SLC9A8: variants seen among roughly 807,000 people sequenced by gnomAD.
SLC9A8 encodes the protein solute carrier family 9 member A8.
A neutral mutation model predicts 66.6 loss-of-function variants in SLC9A8; 48 were observed. That is an observed-to-expected ratio of 0.72 (90% confidence interval 0.57 to 0.92). SLC9A8 has a LOEUF of 0.92. Ranked by LOEUF, SLC9A8 falls within the 40% of genes least tolerant of loss-of-function variation. The probability of loss-of-function intolerance (pLI) is 0.00; values close to 1 mark genes in which losing one functional copy is unlikely to be tolerated. For missense variants in SLC9A8, 599 were observed against 747.3 expected, an observed-to-expected ratio of 0.80 and a Z score of 2.31; for synonymous variants, 274 against 282.6, an observed-to-expected ratio of 0.97 and a Z score of 0.31.
chr20:49,817,141 C>G (rs1264232870), intron 2 of SLC9A8, among the ~76,000 whole-genome samples: 1 of 151,864 alleles, frequency 6.6e-6, no homozygotes, highest in African/African-American at 2.4e-5. Flanking sequence ...CACGATGACT[C>G]CATCTCTACT....
intron 2 of SLC9A8, among the ~76,000 whole-genome samples, chr20:49,821,071 T>G (rs2086722792): frequency 6.6e-6 from 1 of 152,210 alleles, no homozygotes. Context: ...TTTTCTCCCC[T>G]TCTATGGATT....
At chr20:49,827,568 C>T (rs2086961875) in intron 3 of SLC9A8, among the ~76,000 whole-genome samples, 1 of 146,140 alleles carries the variant, frequency 6.8e-6, no homozygotes, top group African/African-American at 2.5e-5. Context: ...CGTGCCACTG[C>T]ATTCCAGCCT....
chr20:49,839,123 CT>C (rs1400000581), intron 3 of SLC9A8, among the ~76,000 whole-genome samples: 1 of 152,124 alleles, frequency 6.6e-6, no homozygotes, highest in Non-Finnish European at 1.5e-5. Flanking sequence ...CAACATGGAA[CT>C]GCTATTTGAG....
At chr20:49,860,428 A>G (rs1395152072) in intron 8 of SLC9A8, among the ~76,000 whole-genome samples, 1 of 151,982 alleles carries the variant, frequency 6.6e-6, no homozygotes, top group Non-Finnish European at 1.5e-5. Context: ...AATGATACCA[A>G]TCCTGGGGCC....
chr20:49,851,746 T>C (rs1462995735), intron 7 of SLC9A8, among the ~76,000 whole-genome samples: 2 of 152,224 alleles, frequency 1.3e-5, no homozygotes, highest in Non-Finnish European at 2.9e-5. Context: ...GGAGCTTTTG[T>C]TGTAAGACAG....
chr20:49,819,103 G>A (rs763837084), intron 2 of SLC9A8, among the ~76,000 whole-genome samples: 16 of 152,042 alleles, frequency 1.1e-4, no homozygotes, highest in African/African-American at 2.4e-4. Flanking sequence ...GCATTTAACC[G>A]TTGTTGATCT....
At chr20:49,885,359 T>A (rs2089852411) in intron 14 of SLC9A8, among the ~76,000 whole-genome samples, 1 of 152,182 alleles carries the variant, frequency 6.6e-6, no homozygotes, top group Non-Finnish European at 1.5e-5. Context: ...AGGGTCTCAC[T>A]CTATTGCACA....
intron 4 of SLC9A8, among the ~76,000 whole-genome samples, chr20:49,840,718 A>G (rs967604770): frequency 6.6e-6 from 1 of 152,184 alleles, no homozygotes; most frequent in African/African-American, 2.4e-5. Flanking sequence ...TTAACCACCC[A>G]AGAGTGGGTC....
At chr20:49,831,510 T>G (rs1049147759) in intron 3 of SLC9A8, among the ~76,000 whole-genome samples, 4 of 152,136 alleles carry the variant, frequency 2.6e-5, no homozygotes, top group African/African-American at 9.7e-5. Flanking sequence ...CAAGCTTGTC[T>G]TATCTCAAAC....
chr20:49,829,253 C>A (rs2087062665), intron 3 of SLC9A8: 1 of 152,676 alleles, frequency 6.5e-6, no homozygotes, highest in Admixed American at 6.6e-5. Context: ...GGCGCGGTGG[C>A]TCACGCCTGT....
intron 3 of SLC9A8, chr20:49,830,723 C>T (rs368650585): frequency 2.7e-5 from 19 of 705,792 alleles, no homozygotes; most frequent in African/African-American, 1.3e-4. Context: ...AAGTTGGCAA[C>T]GCAGCCAAGA....
intron 8 of SLC9A8, among the ~76,000 whole-genome samples, chr20:49,857,453 C>T (rs992609611): frequency 6.6e-6 from 1 of 152,208 alleles, no homozygotes; most frequent in African/African-American, 2.4e-5. Context: ...CGCGGTGGCT[C>T]ACGCCTGTAA....
At chr20:49,840,006 T>G in intron 4 of SLC9A8, among the ~76,000 whole-genome samples, 1 of 152,272 alleles carries the variant, frequency 6.6e-6, no homozygotes. Flanking sequence ...ATATTGTAGC[T>G]CATGTTATTC....
chr20:49,835,088 A>T (rs576073483), intron 3 of SLC9A8, among the ~76,000 whole-genome samples: 1 of 152,318 alleles, frequency 6.6e-6, no homozygotes, highest in South Asian at 2.1e-4. Context: ...CGGTACAACC[A>T]CTTTGGAGGA....
At chr20:49,877,590 T>C (rs1238586453) in intron 11 of SLC9A8, among the ~76,000 whole-genome samples, 1 of 152,160 alleles carries the variant, frequency 6.6e-6, no homozygotes, top group Non-Finnish European at 1.5e-5. Context: ...CCCCTTCACA[T>C]TTGTCATGTG....
chr20:49,820,736 G>T (rs2086707670), intron 2 of SLC9A8, among the ~76,000 whole-genome samples: 1 of 151,846 alleles, frequency 6.6e-6, no homozygotes, highest in Non-Finnish European at 1.5e-5. Context: ...AGTAGAGACG[G>T]CGTTTCACCA....
At chr20:49,816,297 G>C (rs992986655) in intron 2 of SLC9A8, among the ~76,000 whole-genome samples, 1 of 151,964 alleles carries the variant, frequency 6.6e-6, no homozygotes, top group Non-Finnish European at 1.5e-5. Context: ...GTATGTGCCT[G>C]TAATCCCCGC....
intron 10 of SLC9A8, among the ~76,000 whole-genome samples, chr20:49,866,282 CCA>C (rs1305844167): frequency 6.6e-6 from 1 of 152,172 alleles, no homozygotes; most frequent in Admixed American, 6.5e-5. Context: ...TCTTATTGCA[CCA>C]CAGTTTGTCT....
Position 49,886,086 on chromosome 20 carries a change from C to T in SLC9A8, c.1492-666C>T, listed in dbSNP as rs995491000. On this transcript the variant is annotated intron_variant, in intron 14 of 15. Coordinates refer to ENST00000361573, the MANE Select transcript of SLC9A8 (RefSeq NM_015266.3). The surrounding 1 kb of genome is among the most constrained non-coding windows in gnomAD (Gnocchi z 4.8). Reference sequence around the variant, plus strand: ...CCCTCCCCTCCCCGGCCATCCTCTGCCCTCCCTGCACCTGCCCCGTCCCCC... The same window carrying T: ...CCCTCCCCTCCCCGGCCATCCTCTGTCCTCCCTGCACCTGCCCCGTCCCCC... 6.6e-6 allele frequency among the ~76,000 whole-genome samples: 1 copy of T among 151,496 alleles called. No individual in the cohort carries two copies. The highest frequency in any genetic ancestry group is 1.5e-5 in the Non-Finnish European group (1 of 67,912).
Sources: allele counts gnomAD v4.1 joint callset (sites outside exome capture counted in the v4.1 genomes callset), GRCh38; gene constraint gnomAD v4.1.1; non-coding constraint Gnocchi (gnomAD v3.1); transcripts MANE v1.5; gene names NCBI Gene and HGNC (gene_info 2026-07-23, HGNC 2026-07-21).